NRROS: variants seen among roughly 807,000 people sequenced by gnomAD.
NRROS encodes negative regulator of reactive oxygen species, also known as transforming growth factor beta activator LRRC33.
A neutral mutation model predicts 12.0 loss-of-function variants in NRROS; 6 were observed. The observed-to-expected ratio is 0.50, with a 90% CI of 0.27 to 0.98. The LOEUF is 0.98. Ranked by LOEUF, NRROS falls within the 50% of genes least tolerant of loss-of-function variation. The pLI is 0.11. For synonymous variants in NRROS, 462 were observed against 410.2 expected (o/e 1.13, Z -1.53); for missense variants, 857 against 888.2 (o/e 0.96, Z 0.45).
In NRROS at chr3:196,659,817, C is replaced by T. The variant is rs369864683; in HGVS notation, c.174C>T (p.His58=). Residue 58 remains histidine, a synonymous_variant, in exon 3 of 3, where the codon CAC becomes CAT. Transcript: ENST00000328557. The part of the protein sequence containing the change: ...LASVPSSLPP[H]ARMLTLDANP... ...CGGTGCCCAGCAGCCTCCCGCCCCA[C>T]GCCCGGATGCTCACCCTGGATGCCA... 5.6e-5 allele frequency: 91 copies of T among 1,613,916 alleles called. No homozygotes were observed. The highest frequency in any genetic ancestry group is 5.3e-5 in the African/African-American group (4 of 74,922).
rs1737693555 is a variant in NRROS, at chr3:196,661,805, G to A, written c.*83G>A. The stretch of plus-strand genomic sequence containing the variant: ...CCAGCTTTCAAGATGTGATGCAGAG[G>A]CCAAGTCTGACGAATTGAAGTTTCA... On this transcript the variant is annotated 3_prime_UTR_variant, in exon 3 of 3. Transcript: ENST00000328557. 2 of 1,214,728 alleles carry A rather than the reference G, an allele frequency of 1.6e-6. No individual in the cohort carries two copies. Among genetic ancestry groups the A allele is most frequent in the African/African-American group, 3.0e-5 (2 of 66,588 alleles). The allele number at this position is 1,214,728 out of a possible 1,614,324, so 75.2% of individuals were successfully genotyped here.
intron 2 of NRROS, among the ~76,000 whole-genome samples, chr3:196,655,263 G>A (rs547710147): frequency 5.0e-4 from 75 of 149,046 alleles, no homozygotes; most frequent in African/African-American, 1.6e-3. Flanking sequence ...AGCCAGGCGC[G>A]GTGGCTCACG....
Position 196,661,420 on chromosome 3 carries a change from C to A in NRROS, c.1777C>A (p.Gln593Lys). ...AGGTCTGCGGACCATCTACCTCAGT[C>A]AGAATCCATATGACTGCTGTGGGGT... is the stretch of plus-strand genomic sequence containing the variant. ...SRGLRTIYLS[Q>K]NPYDCCGVDG... Residue 593 changes from glutamine (Q) to lysine (K), a missense_variant, in exon 3 of 3, where the codon CAG (glutamine) becomes AAG (lysine). Physicochemically the swap from Gln to Lys is moderately conservative, Grantham distance 53 (BLOSUM62 1). Coordinates refer to ENST00000328557, the MANE Select transcript of NRROS (RefSeq NM_198565.3). 1.3e-6 allele frequency: 2 copies of A among 1,578,574 alleles called. No homozygotes were observed. Among genetic ancestry groups the A allele is most frequent in the Admixed American group, 1.7e-5 (1 of 57,926 alleles).
chr3:196,653,360 A>C (rs1023112051), intron 1 of NRROS, among the ~76,000 whole-genome samples: 2 of 152,242 alleles, frequency 1.3e-5, no homozygotes, highest in Non-Finnish European at 2.9e-5. Flanking sequence ...TCAAGAAGGT[A>C]AAATGAGCTT....
chr3:196,644,427 G>T (rs1737267321), intron 1 of NRROS, among the ~76,000 whole-genome samples: 1 of 151,542 alleles, frequency 6.6e-6, no homozygotes, highest in Admixed American at 6.6e-5. Context: ...TAAATCACTT[G>T]ATATGCATTC....
intron 2 of NRROS, among the ~76,000 whole-genome samples, chr3:196,658,857 C>T (rs1737595588): frequency 6.6e-6 from 1 of 152,126 alleles, no homozygotes; most frequent in Non-Finnish European, 1.5e-5. Flanking sequence ...GTAATCCCAG[C>T]TACTCGGGAG....
At chr3:196,645,477 C>T (rs1737290341) in intron 1 of NRROS, among the ~76,000 whole-genome samples, 1 of 152,074 alleles carries the variant, frequency 6.6e-6, no homozygotes, top group South Asian at 2.1e-4. Context: ...ACAACATTTA[C>T]CTGCTAGGAT....
chr3:196,660,390 C>A lies in NRROS; in HGVS notation c.747C>A (p.Ala249=). The A allele has an allele frequency of 6.2e-7, 1 of 1,613,988 alleles. No homozygotes were observed. The highest frequency in any genetic ancestry group is 1.3e-5 in the African/African-American group (1 of 75,052). The change falls in exon 3 of 3, where the codon GCC becomes GCA. Residue 249 remains alanine, a synonymous_variant. Coordinates refer to ENST00000328557, the MANE Select transcript of NRROS (RefSeq NM_198565.3). This position sits in a 1 kb window ranked among gnomAD's most constrained non-coding sequence, Gnocchi z 7.7. ...TCCTCGCGACCGGGGGAGAGGCTGC[C>A]TTCGAGCTGGAGACGCTGGACCTGT... ...EWFLATGGEA[A]FELETLDLSH... is the part of the protein sequence containing the mutation.
intron 1 of NRROS, among the ~76,000 whole-genome samples, chr3:196,645,360 C>G (rs780317835): frequency 6.6e-6 from 1 of 152,154 alleles, no homozygotes; most frequent in Non-Finnish European, 1.5e-5. Flanking sequence ...TGAGGTTGAG[C>G]TGATGCAGAA....
Position 196,657,203 on chromosome 3 carries a change from C to CA in NRROS, c.109-2535dup, listed in dbSNP as rs916834660. Among the ~76,000 whole-genome samples the CA allele has an allele frequency of 9.9e-3, 1,121 of 112,866 alleles. 16 individuals are homozygous for CA. Among genetic ancestry groups the CA allele is most frequent in the East Asian group, 0.057 (226 of 3,980 alleles). 74.0% of individuals were successfully genotyped at this position (112,866 alleles called of 152,430 possible). On this transcript the variant is annotated intron_variant, in intron 2 of 2. Coordinates refer to ENST00000328557, the MANE Select transcript of NRROS (RefSeq NM_198565.3). Reference sequence around the variant, plus strand: ...TGGGCGACAGAGCAAGACTCCGTATCAAAAAAAAAAAAAAGAAAAAGAAAG... The same window carrying CA: ...TGGGCGACAGAGCAAGACTCCGTATCAAAAAAAAAAAAAAAGAAAAAGAAAG...
rs114391139 is a variant in NRROS at position 196,645,227 on chromosome 3, G to A, written c.-14+5352G>A. On this transcript the variant is annotated intron_variant, in intron 1 of 2. Coordinates refer to ENST00000328557, the MANE Select transcript of NRROS (RefSeq NM_198565.3). Reference sequence around the variant, plus strand: ...TACCAGCACTGAGCCTGCAGGATGAGTAAGAGCTTTGCAGGTGAACAAGAC... The same window carrying A: ...TACCAGCACTGAGCCTGCAGGATGAATAAGAGCTTTGCAGGTGAACAAGAC... Among the ~76,000 whole-genome samples, 441 of 152,316 alleles carry A rather than the reference G, an allele frequency of 2.9e-3. 2 individuals carry two copies. Among genetic ancestry groups the A allele is most frequent in the African/African-American group, 0.01 (418 of 41,566 alleles).
intron 1 of NRROS, among the ~76,000 whole-genome samples, chr3:196,641,577 T>A (rs754378739): frequency 8.5e-5 from 13 of 152,210 alleles, no homozygotes; most frequent in Non-Finnish European, 1.3e-4. Flanking sequence ...GTTTTTAAAT[T>A]CATCATCCAA....
At position 196,660,988 on chromosome 3, in the gene NRROS, C is replaced by T. The variant is rs770331211; in HGVS notation, c.1345C>T (p.Arg449Trp). The T allele has an allele frequency of 5.6e-6, 9 of 1,614,050 alleles. No homozygotes were observed. Among genetic ancestry groups the T allele is most frequent in the South Asian group, 4.4e-5 (4 of 91,090 alleles). ...SLCPLPAASD[R>W]VGPPSCVDFR... ...TTGTCCCCTGCCAGCTGCCTCGGAC[C>T]GGGTGGGCCCCCCTAGCTGTGTGGA... The change falls in exon 3 of 3, where the codon CGG becomes TGG. Residue 449 changes from arginine (R) to tryptophan (W), a missense_variant. Coordinates refer to ENST00000328557, the MANE Select transcript of NRROS (RefSeq NM_198565.3). The surrounding 1 kb of genome is among the most constrained non-coding windows in gnomAD (Gnocchi z 7.7).
intron 1 of NRROS, among the ~76,000 whole-genome samples, chr3:196,641,549 A>G (rs1439036227): frequency 6.6e-6 from 1 of 152,172 alleles, no homozygotes; most frequent in Non-Finnish European, 1.5e-5. Context: ...GAACTTCATG[A>G]AAACACATTC....
Position 196,654,682 on chromosome 3 carries a change from T to C in NRROS, c.108+35T>C. On this transcript the variant is annotated intron_variant, in intron 2 of 2. Coordinates refer to ENST00000328557, the MANE Select transcript of NRROS (RefSeq NM_198565.3). This position sits in a 1 kb window ranked among gnomAD's most constrained non-coding sequence, Gnocchi z 4.4. ...CCTTGAACCCTGATCTGTCGGCTGCTCCTGTCCTGACAAGGCTTGGTCCAT... is the reference window on the plus strand; with the variant it reads ...CCTTGAACCCTGATCTGTCGGCTGCCCCTGTCCTGACAAGGCTTGGTCCAT... The C allele has an allele frequency of 7.5e-7, 1 of 1,330,716 alleles. No homozygotes were observed. The highest frequency in any genetic ancestry group is 1.1e-6 in the Non-Finnish European group (1 of 931,732). The allele number at this position is 1,330,716 out of a possible 1,614,324, so 82.4% of individuals were successfully genotyped here. A position where few individuals can be genotyped will look rare whatever the true frequency, so the allele number is the denominator to read the frequency against.
intron 1 of NRROS, among the ~76,000 whole-genome samples, chr3:196,644,712 T>G (rs1411007054): frequency 2.1e-5 from 3 of 143,268 alleles, no homozygotes; most frequent in African/African-American, 7.9e-5. Flanking sequence ...GGCAGAGATC[T>G]CAGCGAGCAG....
At chr3:196,650,345 G>A (rs71323737) in intron 1 of NRROS, among the ~76,000 whole-genome samples, 1 of 152,010 alleles carries the variant, frequency 6.6e-6, no homozygotes, top group Non-Finnish European at 1.5e-5. Context: ...GGTTTCACCA[G>A]GTTGGCCAGG....
At chr3:196,643,877 C>G (rs1372313892) in intron 1 of NRROS, among the ~76,000 whole-genome samples, 1 of 152,122 alleles carries the variant, frequency 6.6e-6, no homozygotes, top group Non-Finnish European at 1.5e-5. Context: ...GCAGTGTCTC[C>G]CCTCTGTGGT....
At chr3:196,646,569 C>G (rs1307864470) in intron 1 of NRROS, among the ~76,000 whole-genome samples, 1 of 152,236 alleles carries the variant, frequency 6.6e-6, no homozygotes, top group African/African-American at 2.4e-5. Context: ...CAGGCCGACG[C>G]TGACCACGTA....
Sources: gnomAD v4.1 joint callset for allele counts (sites outside exome capture counted in the v4.1 genomes callset) on GRCh38, gnomAD v4.1.1 for gene constraint, Gnocchi (gnomAD v3.1) non-coding constraint, MANE v1.5 for transcripts, NCBI Gene and HGNC (gene_info 2026-07-23, HGNC 2026-07-21) for gene names.